The following ARID1A variants were observed in gnomAD, a reference collection of about 807,000 sequenced individuals.
ARID1A encodes AT-rich interaction domain 1A.
In ARID1A, 20 loss-of-function variants were observed where a neutral mutation model predicts 212.6. That is an observed-to-expected ratio of 0.09 (90% CI 0.07 to 0.14). The LOEUF is 0.14. ARID1A is among the 10% of genes least tolerant of loss of function. The pLI is 1.00. For synonymous variants in ARID1A, 1,376 were observed against 1,222.1 expected (o/e 1.13, Z -2.63); for missense variants, 2,587 against 3,059.0 (o/e 0.85, Z 3.64).
chr1:26,754,429 G>T (rs1384459348), intron 4 of ARID1A, among the ~76,000 whole-genome samples: 1 of 152,160 alleles, frequency 6.6e-6, no homozygotes, highest in African/African-American at 2.4e-5. Context: ...TATATTGCTG[G>T]TATGTTGTTA....
At chr1:26,749,769 A>G (rs1035589431) in intron 4 of ARID1A, among the ~76,000 whole-genome samples, 5 of 152,176 alleles carry the variant, frequency 3.3e-5, no homozygotes, top group African/African-American at 1.2e-4. Flanking sequence ...AGTTCTAGCA[A>G]CAGCTCTTAC....
chr1:26,697,676 C>G (rs1293566135), intron 1 of ARID1A, 136 bp downstream of exon 1: 1 of 905,252 alleles, frequency 1.1e-6, no homozygotes, highest in African/African-American at 1.7e-5. Context: ...TTGTCTGGCT[C>G]TTCTCTCTTA....
chr1:26,760,839 TTA>T lies in ARID1A; in HGVS notation c.1921-9_1921-8del. ...TGCCTAATATTACTAATCCATGTTC[TTA>T]TATATATGTTCTAGGATCTATCTGG... On this transcript the variant is annotated splice_polypyrimidine_tract_variant and intron_variant, in intron 4 of 19. Transcript: ENST00000324856. 1 of 1,600,398 alleles carries T rather than the reference TTA, an allele frequency of 6.2e-7. No individual in the cohort carries two copies. Among genetic ancestry groups the T allele is most frequent in the Non-Finnish European group, 8.5e-7 (1 of 1,169,724 alleles).
chr1:26,739,320 C>T (rs2124800287), intron 4 of ARID1A, among the ~76,000 whole-genome samples: 1 of 152,350 alleles, frequency 6.6e-6, no homozygotes, highest in South Asian at 2.1e-4. Context: ...GCTAGTGCTT[C>T]ACAAACTTTA....
chr1:26,710,602 A>G (rs1037643886), intron 1 of ARID1A, among the ~76,000 whole-genome samples: 2 of 151,792 alleles, frequency 1.3e-5, no homozygotes, highest in East Asian at 3.9e-4. Context: ...CAGCATCAGC[A>G]TTACTAGGTC....
Position 26,778,724 on chromosome 1 carries a change from AT to A in ARID1A, c.5125-297del, listed in dbSNP as rs1428719273. On this transcript the variant is annotated intron_variant, in intron 19 of 19. Coordinates refer to ENST00000324856, the MANE Select transcript of ARID1A (RefSeq NM_006015.6). ...CTGGCCTGGTGAAGAAAAGCAGAAG[AT>A]TAATTGGGAAAAGAGAAGGCTAAGA... The A allele has an allele frequency of 9.7e-5, 26 of 268,262 alleles. 1 individual carries two copies. The highest frequency in any genetic ancestry group is 3.1e-4 in the African/African-American group (14 of 45,502). 16.6% of individuals were successfully genotyped at this position (268,262 alleles called of 1,614,324 possible).
chr1:26,726,514 C>A (rs975622307), intron 1 of ARID1A, among the ~76,000 whole-genome samples: 1 of 152,194 alleles, frequency 6.6e-6, no homozygotes, highest in Non-Finnish European at 1.5e-5. Context: ...CTTGAATATT[C>A]TCATCCTTCT....
intron 1 of ARID1A, among the ~76,000 whole-genome samples, chr1:26,699,707 CTTGTT>C (rs1239535018): frequency 6.6e-6 from 1 of 152,140 alleles, no homozygotes; most frequent in Non-Finnish European, 1.5e-5. Flanking sequence ...TCTCATTCCC[CTTGTT>C]TTGTTTGGTT....
At chr1:26,716,875 C>T (rs1465032223) in intron 1 of ARID1A, among the ~76,000 whole-genome samples, 1 of 152,150 alleles carries the variant, frequency 6.6e-6, no homozygotes, top group Non-Finnish European at 1.5e-5. Context: ...ATCTGCCTGC[C>T]TCGCCCTCCC....
chr1:26,724,145 G>A (rs574364628), intron 1 of ARID1A, among the ~76,000 whole-genome samples: 24 of 152,210 alleles, frequency 1.6e-4, no homozygotes, highest in African/African-American at 5.1e-4. Context: ...GAAAGCACAA[G>A]GAGTAATAAT....
At position 26,732,755 on chromosome 1, in the gene ARID1A, T is replaced by A. The variant is rs927444249; in HGVS notation, c.1883T>A (p.Met628Lys). 1 of 1,614,112 alleles carries A rather than the reference T, an allele frequency of 6.2e-7. No homozygotes were observed. The highest frequency in any genetic ancestry group is 8.5e-7 in the Non-Finnish European group (1 of 1,179,972). Residue 628 changes from methionine to lysine, a missense_variant, in exon 4 of 20, where the codon ATG (methionine) becomes AAG (lysine). Physicochemically the swap from Met to Lys is moderately conservative, Grantham distance 95. Around this residue, in one of 11 missense-constraint regions of ARID1A, gnomAD observed 674 missense variants for 813.4 expected, o/e 0.83. Transcript: ENST00000324856. ...TCCAGTAAGGGAGGGCAAGAAGATATGAACCTGAGCCTTCAGTCAAGACCC... is the reference window on the plus strand; with the variant it reads ...TCCAGTAAGGGAGGGCAAGAAGATAAGAACCTGAGCCTTCAGTCAAGACCC... ...MTSSKGGQEDMNLSLQSRPSS... is the reference protein window; with the variant it reads ...MTSSKGGQEDKNLSLQSRPSS...
At position 26,697,206 on chromosome 1, in the gene ARID1A, A is replaced by C. The variant is rs1315912114; in HGVS notation, c.803A>C (p.Gln268Pro). 1 of 1,407,198 alleles carries C rather than the reference A, an allele frequency of 7.1e-7. No homozygotes were observed. The highest frequency in any genetic ancestry group is 9.2e-7 in the Non-Finnish European group (1 of 1,087,346). The allele number at this position is 1,407,198 out of a possible 1,614,324, so 87.2% of individuals were successfully genotyped here. ...SASSSSSSFA[Q>P]QRFGAMGGGG... is the part of the protein sequence containing the mutation. ...TCCTCGTCGTCTTCGTCCTTCGCTC[A>C]GCAGCGCTTCGGGGCCATGGGGGGA... Residue 268 changes from glutamine (Q) to proline (P), a missense_variant, in exon 1 of 20, where the codon CAG (glutamine) becomes CCG (proline). Gln to Pro is a moderately conservative substitution (Grantham distance 76). Transcript: ENST00000324856.
In ARID1A at chr1:26,773,690, C is replaced by CGCAGCAGCA. The variant is rs374564889; in HGVS notation, c.3993_4001dup (p.Gln1332_Gln1334dup). The CGCAGCAGCA allele has an allele frequency of 3.7e-6, 6 of 1,613,218 alleles. No homozygotes were observed. The highest frequency in any genetic ancestry group is 1.7e-5 in the Admixed American group (1 of 59,956). On this transcript the variant is annotated inframe_insertion, in exon 16 of 20. Coordinates refer to ENST00000324856, the MANE Select transcript of ARID1A (RefSeq NM_006015.6). ...ATGTATTCTCCTAGCCGCTACCCCC[C>CGCAGCAGCA]GCAGCAGCAGCAGCAGCAGCAGCAA...
At chr1:26,751,984 G>A (rs79586647) in intron 4 of ARID1A, among the ~76,000 whole-genome samples, 4 of 152,324 alleles carry the variant, frequency 2.6e-5, no homozygotes, top group Non-Finnish European at 5.9e-5. Context: ...CTATGCAATG[G>A]TTTCTAAGAT....
chr1:26,697,641 G>T (rs1252943643), intron 1 of ARID1A, 101 bp downstream of exon 1: 1 of 1,137,462 alleles, frequency 8.8e-7, no homozygotes, highest in East Asian at 3.2e-5. Context: ...CTCAGTCCCG[G>T]GCCCCCACTG....
At chr1:26,699,368 G>C (rs181735805) in intron 1 of ARID1A, among the ~76,000 whole-genome samples, 18 of 152,142 alleles carry the variant, frequency 1.2e-4, no homozygotes, top group African/African-American at 4.3e-4. Context: ...AGTCATACAT[G>C]TTTTCAAAGA....
At position 26,696,458 on chromosome 1, in the gene ARID1A, C is replaced by A; in HGVS notation, c.55C>A (p.Pro19Thr). The A allele has an allele frequency of 7.7e-7, 1 of 1,290,544 alleles. No homozygotes were observed. Among genetic ancestry groups the A allele is most frequent in the Non-Finnish European group, 9.8e-7 (1 of 1,020,920 alleles). 79.9% of individuals were successfully genotyped at this position (1,290,544 alleles called of 1,614,324 possible). A position where few individuals can be genotyped will look rare whatever the true frequency, so the allele number is the denominator to read the frequency against. ...AASSLGNPPP[P>T]PPSELKKAEQ... ...CAGCAGCCTGGGCAACCCGCCGCCG[C>A]CGCCGCCCTCGGAGCTGAAGAAAGC... Residue 19 changes from proline to threonine, a missense_variant, in exon 1 of 20, where the codon CCG becomes ACG. By Grantham distance (38) the Pro-to-Thr change is conservative (BLOSUM62 -1). Coordinates refer to ENST00000324856, the MANE Select transcript of ARID1A (RefSeq NM_006015.6).
rs1417871719 is a variant in ARID1A, at chr1:26,731,137, T to C, written c.1351-15T>C. 1 of 1,608,596 alleles carries C rather than the reference T, an allele frequency of 6.2e-7. No homozygotes were observed. Among genetic ancestry groups the C allele is most frequent in the Admixed American group, 1.7e-5 (1 of 59,956 alleles). On this transcript the variant is annotated splice_polypyrimidine_tract_variant and intron_variant, in intron 2 of 19. Coordinates refer to ENST00000324856, the MANE Select transcript of ARID1A (RefSeq NM_006015.6). Reference sequence around the variant, plus strand: ...AGGAGAGTCAGTGCTAAAAGTATATTTTCCTTTCCTACAGATTCCTCCTTA... The same window carrying C: ...AGGAGAGTCAGTGCTAAAAGTATATCTTCCTTTCCTACAGATTCCTCCTTA...
At chr1:26,731,669 A>G (rs549478823) in intron 3 of ARID1A, 65 bp downstream of exon 3, 2 of 1,549,578 alleles carry the variant, frequency 1.3e-6, no homozygotes, top group Non-Finnish European at 1.8e-6. Flanking sequence ...GGTTAGTGTC[A>G]TGAGAACTTT....
Sources: gnomAD v4.1 joint callset for allele counts (sites outside exome capture counted in the v4.1 genomes callset) on GRCh38, gnomAD v4.1.1 for gene constraint, gnomAD v4.1.1 regional missense constraint, MANE v1.5 for transcripts, NCBI Gene and HGNC (gene_info 2026-07-23, HGNC 2026-07-21) for gene names.